GPHN: variants seen among roughly 807,000 people sequenced by gnomAD.
GPHN encodes the protein gephyrin.
GPHN carries 17 observed loss-of-function variants against 95.5 expected under a neutral mutation model. The observed-to-expected ratio is 0.18, with a 90% CI of 0.12 to 0.27. The LOEUF is 0.27. Ranked by LOEUF, GPHN falls within the 10% of genes least tolerant of loss-of-function variation. GPHN has a pLI of 1.00. For missense variants in GPHN, 660 were observed against 978.1 expected (o/e 0.67, Z 4.34); for synonymous variants, 320 against 322.5 (o/e 0.99, Z 0.08).
chr14:67,562,680 C>T, the GPHN span: 12 of 1,612,458 alleles, frequency 7.4e-6, no homozygotes, highest in Non-Finnish European at 9.3e-6. Flanking sequence ...AACATTGAGA[C>T]TGAGGCCTTC....
the GPHN span, among the ~76,000 whole-genome samples, chr14:67,225,926 AGTGTGTGTGTGTGTGTGT>A: frequency 1.5e-5 from 2 of 136,630 alleles, no homozygotes; most frequent in South Asian, 4.8e-4. Flanking sequence ...TAATGCTGTG[AGTGTGTGTGTGTGTGTGT>A]GTGTGTGTGT....
chr14:66,843,045 G>C (rs962072290), intron 4 of GPHN, among the ~76,000 whole-genome samples: 1 of 151,850 alleles, frequency 6.6e-6, no homozygotes, highest in Non-Finnish European at 1.5e-5. Context: ...TTATTCCTCT[G>C]CTGAGAGCTT....
At chr14:66,927,003 T>C (rs2066516591) in intron 8 of GPHN, among the ~76,000 whole-genome samples, 1 of 152,200 alleles carries the variant, frequency 6.6e-6, no homozygotes, top group Non-Finnish European at 1.5e-5. Flanking sequence ...GTAGCTATTG[T>C]AAATGGGATT....
chr14:66,955,894 T>C (rs565028809), intron 8 of GPHN, among the ~76,000 whole-genome samples: 14 of 152,328 alleles, frequency 9.2e-5, no homozygotes, highest in African/African-American at 3.4e-4. Context: ...TCATCCTTTT[T>C]TTATGGCTGC....
chr14:67,589,655 G>C, the GPHN span: 1 of 989,814 alleles, frequency 1.0e-6, no homozygotes, highest in Non-Finnish European at 1.2e-6. Flanking sequence ...AACCAGTACT[G>C]AAGGGCTTGT....
At chr14:66,596,207 C>T (rs767673596) in intron 1 of GPHN, among the ~76,000 whole-genome samples, 2 of 151,982 alleles carry the variant, frequency 1.3e-5, no homozygotes, top group Non-Finnish European at 2.9e-5. Context: ...CTATGGGCTT[C>T]AGAGGGGAGG....
In GPHN at chr14:66,835,144, CTT is replaced by C. The variant is rs1566996493; in HGVS notation, c.294+10584_294+10585del. The stretch of plus-strand genomic sequence containing the variant: ...TATTGTGTCTATTTGATTCTTCTCT[CTT>C]TTTTTCTTTATTAGTCTTGCTAGCG... On this transcript the variant is annotated intron_variant, in intron 4 of 22. Transcript: ENST00000478722. 2.0e-5 allele frequency among the ~76,000 whole-genome samples: 3 copies of C among 151,192 alleles called. No homozygotes were observed. The Admixed American group carries it at 2.0e-4, about 10-fold the overall frequency.
chr14:67,059,894 CTAGAG>C (rs1457031544), intron 11 of GPHN, among the ~76,000 whole-genome samples: 1 of 151,942 alleles, frequency 6.6e-6, no homozygotes, highest in African/African-American at 2.4e-5. Flanking sequence ...AGAAAACTCA[CTAGAG>C]TAGGGGATTA....
chr14:66,706,210 C>T (rs1194681684), intron 2 of GPHN, among the ~76,000 whole-genome samples: 1 of 152,096 alleles, frequency 6.6e-6, no homozygotes, highest in African/African-American at 2.4e-5. Context: ...TAGGAAGAAA[C>T]AATATCGTGA....
chr14:67,561,322 G>A, the GPHN span, among the ~76,000 whole-genome samples: 4 of 152,190 alleles, frequency 2.6e-5, no homozygotes, highest in East Asian at 1.9e-4. Flanking sequence ...AGACCTAGGC[G>A]GGTGGATTGC....
chr14:67,704,664 C>T, the GPHN span, among the ~76,000 whole-genome samples: 4 of 152,012 alleles, frequency 2.6e-5, no homozygotes, highest in South Asian at 2.1e-4. Context: ...TGCCCTCATG[C>T]GACTGGAAAA....
the GPHN span, among the ~76,000 whole-genome samples, chr14:67,701,262 C>T: frequency 1.6e-4 from 25 of 151,812 alleles, 1 homozygote; most frequent in East Asian, 4.4e-3. Context: ...AAATCAAAAG[C>T]TCTTGTAATT....
intron 10 of GPHN, among the ~76,000 whole-genome samples, chr14:67,055,641 G>A (rs543153515): frequency 4.6e-4 from 70 of 152,312 alleles, no homozygotes; most frequent in Middle Eastern, 3.4e-3. Flanking sequence ...TAGCAAAGAC[G>A]TGGAATCAAC....
At chr14:67,619,421 A>G in the GPHN span, among the ~76,000 whole-genome samples, 1 of 152,190 alleles carries the variant, frequency 6.6e-6, no homozygotes, top group Non-Finnish European at 1.5e-5. Context: ...TCCGAATCCA[A>G]ATTTCACTGA....
the GPHN span, chr14:67,472,521 A>T: frequency 1.3e-5 from 2 of 152,148 alleles, no homozygotes; most frequent in Non-Finnish European, 2.9e-5. Context: ...AGCCCACTAG[A>T]CCGGGGGTAG....
At chr14:67,370,876 T>C in the GPHN span, among the ~76,000 whole-genome samples, 1 of 151,488 alleles carries the variant, frequency 6.6e-6, no homozygotes, top group African/African-American at 2.4e-5. Context: ...AGTAGAAAAA[T>C]TACCCAGGCA....
chr14:67,147,635 C>G (rs2080977288), intron 18 of GPHN, among the ~76,000 whole-genome samples: 1 of 152,096 alleles, frequency 6.6e-6, no homozygotes, highest in South Asian at 2.1e-4. Flanking sequence ...TTCCTGGGCT[C>G]AAGCAATCCT....
chr14:67,312,610 A>C, the GPHN span: 1 of 1,613,802 alleles, frequency 6.2e-7, no homozygotes, highest in Admixed American at 1.7e-5. Flanking sequence ...CTTTTCAAAA[A>C]GGTGATATAC....
intron 3 of GPHN, among the ~76,000 whole-genome samples, chr14:66,801,289 A>G (rs765725129): frequency 2.6e-5 from 4 of 152,052 alleles, no homozygotes; most frequent in Non-Finnish European, 5.9e-5. Flanking sequence ...TTAAAGTGTT[A>G]TGTATTTCCT....
Sources: allele counts gnomAD v4.1 joint callset (sites outside exome capture counted in the v4.1 genomes callset), GRCh38; gene constraint gnomAD v4.1.1; transcripts MANE v1.5; gene names NCBI Gene and HGNC (gene_info 2026-07-23, HGNC 2026-07-21).